CARMIL1: variants seen among roughly 807,000 people sequenced by gnomAD.
The protein encoded by CARMIL1 is F-actin-uncapping protein LRRC16A.
CARMIL1 carries 90 observed loss-of-function variants against 177.1 expected under a neutral mutation model. The observed-to-expected ratio is 0.51, with a 90% CI of 0.43 to 0.61. CARMIL1 has a LOEUF of 0.61. Among genes scored for constraint, CARMIL1 ranks in the 20% least tolerant of loss-of-function variants. CARMIL1 has a pLI of 0.00. For synonymous variants in CARMIL1, 577 were observed against 606.2 expected, an observed-to-expected ratio of 0.95 and a Z score of 0.71; for missense variants, 1,380 against 1,667.0, an observed-to-expected ratio of 0.83 and a Z score of 3.00.
At chr6:25,446,908 G>C (rs1798288149) in intron 5 of CARMIL1, among the ~76,000 whole-genome samples, 1 of 152,202 alleles carries the variant, frequency 6.6e-6, no homozygotes, top group African/African-American at 2.4e-5. Flanking sequence ...GAGAGGAATG[G>C]TTGTCAGTGG....
At chr6:25,589,136 T>C (rs1814063307) in intron 31 of CARMIL1, among the ~76,000 whole-genome samples, 1 of 152,244 alleles carries the variant, frequency 6.6e-6, no homozygotes, top group African/African-American at 2.4e-5. Flanking sequence ...TACACAGCCA[T>C]TGATTGGCCA....
At chr6:25,314,922 G>T (rs917903185) in intron 2 of CARMIL1, among the ~76,000 whole-genome samples, 1 of 152,162 alleles carries the variant, frequency 6.6e-6, no homozygotes, top group Non-Finnish European at 1.5e-5. Flanking sequence ...ACTGACTTAG[G>T]GGTTATTATA....
intron 31 of CARMIL1, among the ~76,000 whole-genome samples, chr6:25,590,320 T>G (rs1455142553): frequency 2.0e-5 from 3 of 152,252 alleles, no homozygotes; most frequent in Non-Finnish European, 4.4e-5. Flanking sequence ...CTTTTTCTAG[T>G]GTTATAACAT....
At chr6:25,397,613 C>T (rs1793530494) in intron 2 of CARMIL1, among the ~76,000 whole-genome samples, 1 of 152,104 alleles carries the variant, frequency 6.6e-6, no homozygotes, top group Admixed American at 6.5e-5. Context: ...TGTGAAGAGG[C>T]CATTATTTGA....
chr6:25,386,625 C>T (rs1402337605), intron 2 of CARMIL1, among the ~76,000 whole-genome samples: 1 of 152,010 alleles, frequency 6.6e-6, no homozygotes, highest in African/African-American at 2.4e-5. Context: ...AAACGAACAC[C>T]GCCCAGGACG....
At chr6:25,378,350 C>T (rs148373090) in intron 2 of CARMIL1, among the ~76,000 whole-genome samples, 350 of 152,338 alleles carry the variant, frequency 2.3e-3, no homozygotes, top group Middle Eastern at 0.017. Flanking sequence ...CTCTTGGTCT[C>T]CCTACACAGC....
At chr6:25,527,882 T>C (rs1039745945) in intron 23 of CARMIL1, among the ~76,000 whole-genome samples, 2 of 152,238 alleles carry the variant, frequency 1.3e-5, no homozygotes, top group East Asian at 3.8e-4. Context: ...TATTAGTTAG[T>C]TCTTAACCAG....
chr6:25,385,217 A>G lies in CARMIL1; in HGVS notation c.139-34897A>G, dbSNP rs562466658. Among the ~76,000 whole-genome samples, 169 of 152,352 alleles carry G rather than the reference A, an allele frequency of 1.1e-3. 1 individual carries two copies. Among genetic ancestry groups the G allele is most frequent in the Middle Eastern group, 3.4e-3 (1 of 294 alleles). On this transcript the variant is annotated intron_variant, in intron 2 of 36. Transcript: ENST00000329474. The stretch of plus-strand genomic sequence containing the variant: ...ACACCATGTAGGCAAGGGGAATTTC[A>G]CTATTATTGCCATATATCCAAGGCC...
Position 25,472,507 on chromosome 6 carries a change from C to T in CARMIL1, c.860C>T (p.Pro287Leu). ...GLHTINLAGN[P>L]LEDRGVSSLS... ...CACACAATTAACCTTGCTGGCAACC[C>T]ACTGGAGGATAGAGGTACTGCAGAG... The change falls in exon 11 of 37, where the codon CCA becomes CTA. Residue 287 changes from proline to leucine, a missense_variant. Pro to Leu is a moderately conservative substitution (Grantham distance 98, BLOSUM62 -3). Transcript: ENST00000329474. 1.3e-6 allele frequency: 2 copies of T among 1,576,402 alleles called. No individual in the cohort carries two copies. The highest frequency in any genetic ancestry group is 1.7e-6 in the Non-Finnish European group (2 of 1,160,004).
Position 25,529,755 on chromosome 6 carries a change from C to CAAAAAAAAAAAAAAAAAAAA in CARMIL1, c.2067+873_2067+892dup, listed in dbSNP as rs70977217. ...GGGCGACAGAGCGAGACTCCGTCTC[C>CAAAAAAAAAAAAAAAAAAAA]AAAAAAAAAAAAAAAAAAAAAAAAA... On this transcript the variant is annotated intron_variant, in intron 24 of 36. Transcript: ENST00000329474. Among the ~76,000 whole-genome samples, 21 of 33,476 alleles carry CAAAAAAAAAAAAAAAAAAAA rather than the reference C, an allele frequency of 6.3e-4. 3 individuals are homozygous for CAAAAAAAAAAAAAAAAAAAA. The highest frequency in any genetic ancestry group is 1.1e-3 in the African/African-American group (12 of 10,566). The allele number at this position is 33,476 out of a possible 152,430, so 22.0% of individuals were successfully genotyped here.
intron 24 of CARMIL1, among the ~76,000 whole-genome samples, chr6:25,533,414 T>G (rs1807965054): frequency 2.6e-5 from 4 of 152,200 alleles, no homozygotes; most frequent in Non-Finnish European, 5.9e-5. Flanking sequence ...AGCCTCAGTT[T>G]TTTCATCTGT....
At chr6:25,283,106 A>C (rs903671431) in intron 1 of CARMIL1, among the ~76,000 whole-genome samples, 1 of 152,236 alleles carries the variant, frequency 6.6e-6, no homozygotes. Flanking sequence ...AGAGAATAAT[A>C]GATACACAAT....
Position 25,619,509 on chromosome 6 carries a change from A to G in CARMIL1, c.4042A>G (p.Ser1348Gly). 1.2e-6 allele frequency: 2 copies of G among 1,613,948 alleles called. No individual in the cohort carries two copies. The highest frequency in any genetic ancestry group is 2.2e-5 in the East Asian group (1 of 44,874). ...EYQEQKQRSS[S>G]KDGHQGSKSN... ...TCAAGAACAAAAGCAACGGTCCTCC[A>G]GTAAAGATGGCCATCAAGGCAGCAA... Residue 1348 changes from serine to glycine, a missense_variant, in exon 37 of 37, where the codon AGT becomes GGT. Coordinates refer to ENST00000329474, the MANE Select transcript of CARMIL1 (RefSeq NM_017640.6).
At chr6:25,440,302 G>A (rs758849278) in intron 5 of CARMIL1, among the ~76,000 whole-genome samples, 3 of 152,304 alleles carry the variant, frequency 2.0e-5, no homozygotes, top group South Asian at 4.1e-4. Context: ...TACTGCAAAC[G>A]GATGGAGAAA....
chr6:25,600,845 C>A, intron 33 of CARMIL1, 99 bp downstream of exon 33: 1 of 1,081,164 alleles, frequency 9.2e-7, no homozygotes, highest in Non-Finnish European at 1.3e-6. Flanking sequence ...TGTCTATCAC[C>A]TTAAACATTT....
intron 2 of CARMIL1, among the ~76,000 whole-genome samples, chr6:25,397,820 C>T (rs983401997): frequency 3.3e-5 from 5 of 152,028 alleles, no homozygotes; most frequent in Admixed American, 6.6e-5. Context: ...ATACATGAAA[C>T]GTGAAATCTT....
chr6:25,538,316 C>G (rs934053496), intron 25 of CARMIL1, among the ~76,000 whole-genome samples: 2 of 152,134 alleles, frequency 1.3e-5, no homozygotes, highest in Non-Finnish European at 2.9e-5. Context: ...CCTCTGTTAC[C>G]CCTAAAAGGA....
Position 25,581,254 on chromosome 6 carries a change from G to C in CARMIL1, c.2821G>C (p.Asp941His). Reference protein sequence around the residue: ...PVSRAFEMEFDLDKALEEVPI... With the variant: ...PVSRAFEMEFHLDKALEEVPI... The stretch of plus-strand genomic sequence containing the variant: ...GTTTTTAATTTTAGAAATGGAGTTT[G>C]ATCTAGATAAAGCGCTGGAAGAGGT... Residue 941 changes from aspartate (D) to histidine (H), a missense_variant, in exon 31 of 37, where the codon GAT becomes CAT. By Grantham distance (81) the Asp-to-His change is moderately conservative. Transcript: ENST00000329474. 1 of 1,612,550 alleles carries C rather than the reference G, an allele frequency of 6.2e-7. No individual in the cohort carries two copies. The highest frequency in any genetic ancestry group is 1.1e-5 in the South Asian group (1 of 90,628).
At chr6:25,384,755 C>G (rs1247525065) in intron 2 of CARMIL1, among the ~76,000 whole-genome samples, 2 of 152,224 alleles carry the variant, frequency 1.3e-5, no homozygotes, top group Non-Finnish European at 2.9e-5. Context: ...AGAGACAGTT[C>G]CAGCAGGTAC....
Sources: gnomAD v4.1 joint callset for allele counts (sites outside exome capture counted in the v4.1 genomes callset) on GRCh38, gnomAD v4.1.1 for gene constraint, MANE v1.5 for transcripts, NCBI Gene and HGNC (gene_info 2026-07-23, HGNC 2026-07-21) for gene names.